GPC5: variants seen among roughly 807,000 people sequenced by gnomAD.
GPC5 encodes the protein glypican 5.
In GPC5, 47 loss-of-function variants were observed where a neutral mutation model predicts 53.9. That is an observed-to-expected ratio of 0.87 (90% confidence interval 0.69 to 1.11). The LOEUF is 1.11. Ranked by LOEUF, GPC5 falls within the 50% of genes most tolerant of loss-of-function variation. The pLI, the probability that GPC5 is intolerant of heterozygous loss-of-function variation, is 0.00. For synonymous variants in GPC5, 286 were observed against 263.3 expected (o/e 1.09, Z -0.84); for missense variants, 748 against 713.1 (o/e 1.05, Z -0.56).
intron 7 of GPC5, among the ~76,000 whole-genome samples, chr13:92,289,640 A>G (rs977139842): frequency 6.6e-6 from 1 of 151,968 alleles, no homozygotes; most frequent in Non-Finnish European, 1.5e-5. Context: ...TTTATGGATT[A>G]TCTCAAATAA....
intron 7 of GPC5, among the ~76,000 whole-genome samples, chr13:92,660,807 G>T (rs556815095): frequency 1.3e-4 from 19 of 151,946 alleles, no homozygotes; most frequent in Non-Finnish European, 2.5e-4. Flanking sequence ...CCCTAAATCA[G>T]TATTTCCCAA....
intron 6 of GPC5, among the ~76,000 whole-genome samples, chr13:91,932,690 C>A (rs2039832966): frequency 6.6e-6 from 1 of 151,896 alleles, no homozygotes; most frequent in South Asian, 2.1e-4. Context: ...GCCTCCAATG[C>A]ATGCCTTTTT....
intron 2 of GPC5, among the ~76,000 whole-genome samples, chr13:91,629,939 C>T (rs922525724): frequency 6.6e-6 from 1 of 152,114 alleles, no homozygotes; most frequent in African/African-American, 2.4e-5. Flanking sequence ...ATGTTTTTAG[C>T]ACCTCACTTT....
At chr13:92,280,999 C>A (rs2042910970) in intron 7 of GPC5, among the ~76,000 whole-genome samples, 1 of 152,214 alleles carries the variant, frequency 6.6e-6, no homozygotes, top group Non-Finnish European at 1.5e-5. Flanking sequence ...CTTTCCCAGT[C>A]AAGGGAGGCG....
At chr13:91,882,670 G>GTTTTTTTTTTTTTTTTTTTTTT in intron 5 of GPC5, among the ~76,000 whole-genome samples, 23 of 59,322 alleles carry the variant, frequency 3.9e-4, no homozygotes, top group Admixed American at 4.1e-4. Context: ...TGTTTTTTGG[G>GTTTTTTTTTTTTTTTTTTTTTT]TTTTTTTTTT....
chr13:91,517,343 T>G (rs1329905067), intron 2 of GPC5, among the ~76,000 whole-genome samples: 1 of 152,174 alleles, frequency 6.6e-6, no homozygotes, highest in Non-Finnish European at 1.5e-5. Context: ...ATCATCTCTC[T>G]CAAGTTCAAA....
chr13:92,512,249 T>TGTGCGCGC (rs3064762), intron 7 of GPC5, among the ~76,000 whole-genome samples: 1 of 149,486 alleles, frequency 6.7e-6, no homozygotes, highest in Non-Finnish European at 1.5e-5. Context: ...TGTGTGTGTG[T>TGTGCGCGC]GCGCGCGCGC....
intron 6 of GPC5, among the ~76,000 whole-genome samples, chr13:92,101,826 G>T (rs911192702): frequency 2.0e-5 from 3 of 152,096 alleles, no homozygotes; most frequent in African/African-American, 7.2e-5. Flanking sequence ...ACTTCTTTTA[G>T]TTTCTCCTCT....
chr13:91,813,833 A>G (rs9556120), intron 5 of GPC5, among the ~76,000 whole-genome samples: 12,452 of 152,066 alleles, frequency 0.082, 928 homozygotes, highest in East Asian at 0.22. Context: ...AGCATTTAAA[A>G]TACCTTCTCT....
intron 5 of GPC5, among the ~76,000 whole-genome samples, chr13:91,785,201 C>G (rs2037859831): frequency 6.6e-6 from 1 of 152,144 alleles, no homozygotes; most frequent in African/African-American, 2.4e-5. Flanking sequence ...TCTTAGAAAC[C>G]CTTTGAACTA....
At chr13:92,741,627 T>G (rs1019704414) in intron 7 of GPC5, among the ~76,000 whole-genome samples, 1 of 152,190 alleles carries the variant, frequency 6.6e-6, no homozygotes, top group Non-Finnish European at 1.5e-5. Context: ...AGGGTACATG[T>G]GCACAATATG....
intron 7 of GPC5, among the ~76,000 whole-genome samples, chr13:92,758,508 A>C (rs1239939897): frequency 1.3e-5 from 2 of 152,142 alleles, no homozygotes; most frequent in African/African-American, 4.8e-5. Context: ...TCTGTTATAT[A>C]GTATGTGGGA....
intron 7 of GPC5, among the ~76,000 whole-genome samples, chr13:92,856,395 G>A (rs956874974): frequency 1.2e-4 from 19 of 152,060 alleles, no homozygotes; most frequent in African/African-American, 4.6e-4. Context: ...CCCACTGAAT[G>A]GGCAAAAGCT....
At chr13:91,913,289 C>T (rs769087960) in intron 6 of GPC5, among the ~76,000 whole-genome samples, 8 of 151,502 alleles carry the variant, frequency 5.3e-5, no homozygotes, top group African/African-American at 7.3e-5. Flanking sequence ...TTCCCAGCTA[C>T]TAGGGAGGCT....
At chr13:91,430,122 G>A (rs1879338798) in intron 1 of GPC5, among the ~76,000 whole-genome samples, 2 of 152,116 alleles carry the variant, frequency 1.3e-5, no homozygotes, top group South Asian at 4.2e-4. Flanking sequence ...ACAGCCCAGG[G>A]CTACCATGGA....
chr13:92,527,157 AAAGAAAGAAAGAAAG>A (rs1189389328), intron 7 of GPC5, among the ~76,000 whole-genome samples: 13 of 124,000 alleles, frequency 1.0e-4, no homozygotes, highest in African/African-American at 4.0e-4. Context: ...AGAAAGAAAG[AAAGAAAGAAAGAAAG>A]AGAAAGAAAG....
At chr13:91,702,614 T>C (rs1184832923) in intron 3 of GPC5, among the ~76,000 whole-genome samples, 1 of 152,092 alleles carries the variant, frequency 6.6e-6, no homozygotes, top group Non-Finnish European at 1.5e-5. Flanking sequence ...ATTGCTTTAC[T>C]ATTTGTAGTC....
intron 1 of GPC5, among the ~76,000 whole-genome samples, chr13:91,411,189 G>A (rs1027791976): frequency 2.0e-5 from 3 of 152,220 alleles, no homozygotes; most frequent in African/African-American, 7.2e-5. Context: ...AGGTAAAGAG[G>A]AAGCTACTTT....
rs149360867 is a variant in GPC5 at position 92,797,602 on chromosome 13, G to A, written c.1562-68680G>A. Among the ~76,000 whole-genome samples, 458 of 151,894 alleles carry A rather than the reference G, an allele frequency of 3.0e-3. 12 individuals carry two copies. In the East Asian group the frequency reaches 0.051, roughly 17 times the overall value. ...ACACTAAATACAAATCTTTAAATAT[G>A]CTATTTATACTTTCTGAAATCAGCT... On this transcript the variant is annotated intron_variant, in intron 7 of 7. Coordinates refer to ENST00000377067, the MANE Select transcript of GPC5 (RefSeq NM_004466.6).
Sources: gnomAD v4.1 joint callset for allele counts (sites outside exome capture counted in the v4.1 genomes callset) on GRCh38, gnomAD v4.1.1 for gene constraint, MANE v1.5 for transcripts, NCBI Gene and HGNC (gene_info 2026-07-23, HGNC 2026-07-21) for gene names.